The following DEPDC5 variants were observed in gnomAD, a reference collection of about 807,000 sequenced individuals.
The protein encoded by DEPDC5 is GATOR1 complex protein DEPDC5.
In DEPDC5, 73 loss-of-function variants were observed where a neutral mutation model predicts 217.3. The observed-to-expected ratio is 0.34, with a 90% confidence interval of 0.28 to 0.41. The LOEUF (loss-of-function observed/expected upper bound fraction) is 0.41. Among genes scored for constraint, DEPDC5 ranks in the 10% least tolerant of loss-of-function variants. The probability of loss-of-function intolerance (pLI) is 1.00; values close to 1 mark genes in which losing one functional copy is unlikely to be tolerated. For synonymous variants in DEPDC5, 733 were observed against 756.7 expected, an observed-to-expected ratio of 0.97 and a Z score of 0.51; for missense variants, 1,675 against 2,070.1, an observed-to-expected ratio of 0.81 and a Z score of 3.70.
At chr22:31,793,408 A>G (rs139963015) in intron 12 of DEPDC5, among the ~76,000 whole-genome samples, 3 of 152,196 alleles carry the variant, frequency 2.0e-5, no homozygotes, top group African/African-American at 7.2e-5. Flanking sequence ...TATACCCAAT[A>G]CCTGAATTTA....
chr22:31,822,863 G>A, intron 24 of DEPDC5, 73 bp downstream of exon 24: 1 of 1,437,746 alleles, frequency 7.0e-7, no homozygotes, highest in Non-Finnish European at 9.6e-7. Flanking sequence ...ACAAGGGCCA[G>A]AAAAGCAGGG....
rs778784716 is a variant in DEPDC5, at chr22:31,836,942, T to C, written c.2171-30T>C. On this transcript the variant is annotated intron_variant, in intron 25 of 42. Transcript: ENST00000651528. ...TCCCACACTTGCCATGGTGACCACA[T>C]GTACCTTTTCCCCCTGTTACGTGAG... is the stretch of plus-strand genomic sequence containing the variant. The C allele has an allele frequency of 1.7e-5, 22 of 1,319,518 alleles. No homozygotes were observed. In the African/African-American group the frequency reaches 2.9e-4, roughly 17 times the overall value. 81.7% of individuals were successfully genotyped at this position (1,319,518 alleles called of 1,614,324 possible). A position where few individuals can be genotyped will look rare whatever the true frequency, so the allele number is the denominator to read the frequency against.
chr22:31,860,953 C>G lies in DEPDC5; in HGVS notation c.3265-415C>G, dbSNP rs78766558. ...CAGCCCCACCAAGCTGCTCTGCGGC[C>G]TTTTCATCTTCCTTGGCATAGGTCT... is the stretch of plus-strand genomic sequence containing the variant. On this transcript the variant is annotated intron_variant, in intron 32 of 42. Transcript: ENST00000651528. Among the ~76,000 whole-genome samples, 504 of 152,264 alleles carry G rather than the reference C, an allele frequency of 3.3e-3. 2 individuals carry two copies. The highest frequency in any genetic ancestry group is 0.012 in the African/African-American group (489 of 41,552).
chr22:31,778,048 T>G (rs373762584), intron 7 of DEPDC5, 51 bp from the exon 8 acceptor site: 26 of 1,589,102 alleles, frequency 1.6e-5, no homozygotes, highest in Non-Finnish European at 2.2e-5. Context: ...GCACCAGGCA[T>G]GTATTGGTTT....
chr22:31,819,162 C>T lies in DEPDC5; in HGVS notation c.1807C>T (p.Pro603Ser). Residue 603 changes from proline (P) to serine (S), a missense_variant, in exon 22 of 43, where the codon CCC becomes TCC. Physicochemically the swap from Pro to Ser is moderately conservative, Grantham distance 74. Coordinates refer to ENST00000651528, the MANE Select transcript of DEPDC5 (RefSeq NM_001242896.3). ...GAGAGCACTGATTAACCCCTTCGCT[C>T]CCTCTCGGATGCCCATGAAGCTTAC... ...PQRALINPFAPSRMPMKLTSN... is the reference protein window; with the variant it reads ...PQRALINPFASSRMPMKLTSN... 2 of 1,614,198 alleles carry T rather than the reference C, an allele frequency of 1.2e-6. No individual in the cohort carries two copies. The highest frequency in any genetic ancestry group is 1.7e-6 in the Non-Finnish European group (2 of 1,180,028).
At chr22:31,768,664 A>G (rs2083038575) in intron 6 of DEPDC5, 150 bp from the exon 7 acceptor site, 1 of 614,900 alleles carries the variant, frequency 1.6e-6, no homozygotes, top group Non-Finnish European at 2.8e-6. Flanking sequence ...CTCACAAGCT[A>G]GTTCAACTTT....
chr22:31,851,566 T>G (rs1247311649), intron 31 of DEPDC5, among the ~76,000 whole-genome samples: 2 of 152,176 alleles, frequency 1.3e-5, no homozygotes, highest in African/African-American at 2.4e-5. Context: ...CTGACTTGAC[T>G]GTGTGCTCTG....
chr22:31,838,803 G>C lies in DEPDC5; in HGVS notation c.2473G>C (p.Ala825Pro). Residue 825 changes from alanine (A) to proline (P), a missense_variant, in exon 27 of 43, where the codon GCT becomes CCT. By Grantham distance (27) the Ala-to-Pro change is conservative. Transcript: ENST00000651528. ...GCCCAAGACACAGAAACCCAATCCT[G>C]CTGTCCCGCCCCCGCTGAGCAGTAG... ...VQPKTQKPNP[A>P]VPPPLSSSPL... The C allele has an allele frequency of 6.2e-7, 1 of 1,614,120 alleles. No individual in the cohort carries two copies. The highest frequency in any genetic ancestry group is 8.5e-7 in the Non-Finnish European group (1 of 1,179,998).
rs542348830 is a variant in DEPDC5 at position 31,845,315 on chromosome 22, A to C, written c.3021+78A>C. The C allele has an allele frequency of 2.0e-6, 3 of 1,511,002 alleles. No individual in the cohort carries two copies. In the African/African-American group the frequency reaches 4.2e-5, roughly 21 times the overall value. 93.6% of individuals were successfully genotyped at this position (1,511,002 alleles called of 1,614,324 possible). On this transcript the variant is annotated intron_variant, in intron 30 of 42. Coordinates refer to ENST00000651528, the MANE Select transcript of DEPDC5 (RefSeq NM_001242896.3). Reference sequence around the variant, plus strand: ...CCACCTCCTCTATTAGGGGCCTCTCATCATCAGCCTACTTATTTACTCCTC... The same window carrying C: ...CCACCTCCTCTATTAGGGGCCTCTCCTCATCAGCCTACTTATTTACTCCTC...
At position 31,797,584 on chromosome 22, in the gene DEPDC5, A is replaced by G. The variant is rs1186077657; in HGVS notation, c.768-16A>G. On this transcript the variant is annotated splice_polypyrimidine_tract_variant and intron_variant, in intron 12 of 42. Transcript: ENST00000651528. ...TCAGCTGCTCAATATCCATTTTATG[A>G]TAATACTCTTTTCAGAGTGGTGGTG... 11 of 1,595,422 alleles carry G rather than the reference A, an allele frequency of 6.9e-6. No homozygotes were observed. The highest frequency in any genetic ancestry group is 9.5e-6 in the Non-Finnish European group (11 of 1,162,946).
chr22:31,888,240 GTTTTTTTT>G (rs71184531), intron 38 of DEPDC5, among the ~76,000 whole-genome samples: 2 of 66,352 alleles, frequency 3.0e-5, no homozygotes, highest in African/African-American at 6.4e-5. Flanking sequence ...TTTGTCTGTG[GTTTTTTTT>G]TTTTTTTTTT....
intron 18 of DEPDC5, among the ~76,000 whole-genome samples, chr22:31,806,984 C>G (rs2087621518): frequency 6.6e-6 from 1 of 152,144 alleles, no homozygotes; most frequent in African/African-American, 2.4e-5. Flanking sequence ...TGCACGCTAA[C>G]CTGGGTGGCT....
intron 20 of DEPDC5, among the ~76,000 whole-genome samples, chr22:31,811,996 C>CT (rs1274703675): frequency 6.8e-6 from 1 of 147,722 alleles, no homozygotes; most frequent in African/African-American, 2.5e-5. Context: ...TTTTTTTTTT[C>CT]TTTTTTTTTC....
chr22:31,809,648 G>T lies in DEPDC5; in HGVS notation c.1324+1G>T, dbSNP rs2088011240. On this transcript the variant is annotated splice_donor_variant, in intron 19 of 42. Coordinates refer to ENST00000651528, the MANE Select transcript of DEPDC5 (RefSeq NM_001242896.3). LOFTEE classifies it high-confidence loss of function. Reference sequence around the variant, plus strand: ...AAAGCAAAAAATGGCCGTGATACATGTGAGTATTTTTTGAGATTTTTTTTC... The same window carrying T: ...AAAGCAAAAAATGGCCGTGATACATTTGAGTATTTTTTGAGATTTTTTTTC... 1 of 1,613,958 alleles carries T rather than the reference G, an allele frequency of 6.2e-7. No homozygotes were observed. Among genetic ancestry groups the T allele is most frequent in the Non-Finnish European group, 8.5e-7 (1 of 1,179,896 alleles).
intron 7 of DEPDC5, among the ~76,000 whole-genome samples, chr22:31,772,163 A>G (rs2083423121): frequency 6.6e-6 from 1 of 152,144 alleles, no homozygotes; most frequent in Non-Finnish European, 1.5e-5. Context: ...GCACAGGTCG[A>G]TGCTGCAGTG....
In DEPDC5 at chr22:31,778,250, C is replaced by T. The variant is rs1013749152; in HGVS notation, c.483+82C>T. The T allele has an allele frequency of 2.5e-5, 35 of 1,391,290 alleles. No homozygotes were observed. The Middle Eastern group carries it at 1.1e-3, about 43-fold the overall frequency. The allele number at this position is 1,391,290 out of a possible 1,614,324, so 86.2% of individuals were successfully genotyped here. On this transcript the variant is annotated intron_variant, in intron 8 of 42. Coordinates refer to ENST00000651528, the MANE Select transcript of DEPDC5 (RefSeq NM_001242896.3). ...CCTAAAATCAAAAATAAAACAAGGG[C>T]GGGGCAGGACACCAAGGTGGGCAGA... is the stretch of plus-strand genomic sequence containing the variant.
chr22:31,895,334 TC>T (rs2093530826), intron 39 of DEPDC5, among the ~76,000 whole-genome samples: 1 of 151,980 alleles, frequency 6.6e-6, no homozygotes, highest in African/African-American at 2.4e-5. Context: ...TAACTGGTCT[TC>T]CTGCCTGTCC....
In DEPDC5 at chr22:31,775,761, G is replaced by C. The variant is rs551464231; in HGVS notation, c.414-2338G>C. Among the ~76,000 whole-genome samples the C allele has an allele frequency of 6.2e-4, 95 of 152,148 alleles. 2 individuals are homozygous for C. In the South Asian group the frequency reaches 7.5e-3, roughly 12 times the overall value. ...TAATTTGAAAACAGCTCTGTAGAAGGCTGGGCACAGTGGCTCACACCTGTA... is the reference window on the plus strand; with the variant it reads ...TAATTTGAAAACAGCTCTGTAGAAGCCTGGGCACAGTGGCTCACACCTGTA... On this transcript the variant is annotated intron_variant, in intron 7 of 42. Coordinates refer to ENST00000651528, the MANE Select transcript of DEPDC5 (RefSeq NM_001242896.3).
chr22:31,784,552 C>T, intron 9 of DEPDC5: 1 of 315,222 alleles, frequency 3.2e-6, no homozygotes, highest in Non-Finnish European at 5.9e-6. Context: ...TCGCTTGAAC[C>T]TGGGCGGCAG....
Sources: allele counts gnomAD v4.1 joint callset (sites outside exome capture counted in the v4.1 genomes callset), GRCh38; gene constraint gnomAD v4.1.1; transcripts MANE v1.5; gene names NCBI Gene and HGNC (gene_info 2026-07-23, HGNC 2026-07-21).